ZP2: variants seen among roughly 807,000 people sequenced by gnomAD.
ZP2 encodes the protein zona pellucida sperm-binding protein 2.
In ZP2, 51 loss-of-function variants were observed where a neutral mutation model predicts 84.0. The ratio of observed to expected loss-of-function variants is 0.61; its 90% CI spans 0.49 to 0.77. The LOEUF (loss-of-function observed/expected upper bound fraction) is 0.77. Ranked by LOEUF, ZP2 falls within the 30% of genes least tolerant of loss-of-function variation. The pLI is 0.00. For missense variants in ZP2, 909 were observed against 911.9 expected, an observed-to-expected ratio of 1.00 and a Z score of 0.04; for synonymous variants, 375 against 330.9, an observed-to-expected ratio of 1.13 and a Z score of -1.45.
At chr16:21,209,774 G>A in intron 3 of ZP2, 49 bp from the exon 4 acceptor site, 1 of 1,542,794 alleles carries the variant, frequency 6.5e-7, no homozygotes, top group Non-Finnish European at 9.0e-7. Flanking sequence ...ACATTTCAGT[G>A]ACAGTCCAAA....
Position 21,197,816 on chromosome 16 carries a change from C to T in ZP2, c.2045G>A (p.Ser682Asn), listed in dbSNP as rs771556401. The part of the protein sequence containing the change: ...VGSSDLKASG[S>N]SGEKSRSETG... ...TTCACTCCTACTCTTCTCCCCACTGCTCCCACTTGCTTTTAGATCAGATGA... is the reference window on the plus strand; with the variant it reads ...TTCACTCCTACTCTTCTCCCCACTGTTCCCACTTGCTTTTAGATCAGATGA... The change falls in exon 18 of 19, where the codon AGC (serine) becomes AAC (asparagine). Residue 682 changes from serine to asparagine, a missense_variant. By Grantham distance (46) the Ser-to-Asn change is conservative. Transcript: ENST00000574091. The T allele has an allele frequency of 2.5e-6, 4 of 1,614,176 alleles. No individual in the cohort carries two copies. Among genetic ancestry groups the T allele is most frequent in the East Asian group, 4.5e-5 (2 of 44,894 alleles).
chr16:21,209,445 A>T (rs923852100), intron 4 of ZP2, among the ~76,000 whole-genome samples, 186 bp downstream of exon 4: 9 of 152,208 alleles, frequency 5.9e-5, no homozygotes, highest in African/African-American at 2.2e-4. Context: ...CAGAGATTAT[A>T]GGCGTGAGCC....
chr16:21,209,992 T>C, intron 3 of ZP2, 117 bp downstream of exon 3: 1 of 909,648 alleles, frequency 1.1e-6, no homozygotes, highest in Non-Finnish European at 1.8e-6. Flanking sequence ...CATGGCATCA[T>C]GGGAGTTGGA....
intron 4 of ZP2, among the ~76,000 whole-genome samples, chr16:21,207,958 G>T (rs143821889): frequency 2.9e-3 from 437 of 152,274 alleles, no homozygotes; most frequent in African/African-American, 9.6e-3. Flanking sequence ...AGTGGTTCAT[G>T]CCTATAATCC....
chr16:21,204,159 A>G lies in ZP2; in HGVS notation c.843T>C (p.Pro281=), dbSNP rs1195414296. The G allele has an allele frequency of 6.2e-7, 1 of 1,614,058 alleles. No homozygotes were observed. ...CAAAGCTCACAGACTTAAGCTTCCC[A>G]GGAAACTCTGGTATGGTGAGAGTCA... ...THMTLTIPEF[P]GKLKSVSFEN... The change falls in exon 9 of 19, where the codon CCT becomes CCC. Residue 281 remains proline, a synonymous_variant. Coordinates refer to ENST00000574091, the MANE Select transcript of ZP2 (RefSeq NM_001376232.1).
chr16:21,209,561 C>T, intron 4 of ZP2, 70 bp downstream of exon 4: 1 of 1,454,304 alleles, frequency 6.9e-7, no homozygotes, highest in Non-Finnish European at 9.6e-7. Flanking sequence ...AAGTTCTTAG[C>T]CAAGTTTACT....
upstream of ZP2, chr16:21,211,793 T>A: frequency 7.0e-7 from 1 of 1,430,908 alleles, no homozygotes; most frequent in African/African-American, 1.4e-5. Flanking sequence ...CAGCTCCAGG[T>A]GAGTGAATTG....
upstream of ZP2, chr16:21,214,311 C>T (rs1233069159): frequency 7.1e-6 from 7 of 985,052 alleles, no homozygotes; most frequent in African/African-American, 5.2e-5. Context: ...GATTCTGCTC[C>T]GGAAAAGCAG....
In ZP2 at chr16:21,202,882, A is replaced by G. The variant is rs553425618; in HGVS notation, c.1099+243T>C. Among the ~76,000 whole-genome samples, 50 of 152,306 alleles carry G rather than the reference A, an allele frequency of 3.3e-4. 2 individuals are homozygous for G. The South Asian group carries it at 8.9e-3, about 27-fold the overall frequency. ...CCTAGATGTCAGGTTCAGGCTCCTA[A>G]GCCAAAATATCTAGATTGTTTAACC... On this transcript the variant is annotated intron_variant, in intron 10 of 18. Transcript: ENST00000574091.
chr16:21,204,362 A>G lies in ZP2; in HGVS notation c.736T>C (p.Phe246Leu). 3 of 1,614,100 alleles carry G rather than the reference A, an allele frequency of 1.9e-6. No homozygotes were observed. The highest frequency in any genetic ancestry group is 2.5e-6 in the Non-Finnish European group (3 of 1,179,964). The change falls in exon 8 of 19, where the codon TTT becomes CTT. Residue 246 changes from phenylalanine (F) to leucine (L), a missense_variant. Physicochemically the swap from Phe to Leu is conservative, Grantham distance 22 (BLOSUM62 0). Coordinates refer to ENST00000574091, the MANE Select transcript of ZP2 (RefSeq NM_001376232.1). ...ATCACCTTCTGTCCAGGAGATATAA[A>G]TGTAAGCTTCAGAGACACCATGTAG... is the stretch of plus-strand genomic sequence containing the variant. Reference protein sequence around the residue: ...HLYMVSLKLTFISPGQKVIFS... With the variant: ...HLYMVSLKLTLISPGQKVIFS...
At chr16:21,198,054 T>A in intron 17 of ZP2, 1 of 527,708 alleles carries the variant, frequency 1.9e-6, no homozygotes, top group Non-Finnish European at 3.4e-6. Flanking sequence ...TAGAAACATA[T>A]CTTAAATCTT....
intron 7 of ZP2, among the ~76,000 whole-genome samples, chr16:21,204,955 A>G (rs2093242865): frequency 6.6e-6 from 1 of 152,222 alleles, no homozygotes; most frequent in Non-Finnish European, 1.5e-5. Context: ...TATAGATTTA[A>G]GACTATGGGA....
In ZP2 at chr16:21,197,781, C is replaced by A. The variant is rs774991502; in HGVS notation, c.2080G>T (p.Glu694Ter). 6 of 1,614,224 alleles carry A rather than the reference C, an allele frequency of 3.7e-6. No homozygotes were observed. The highest frequency in any genetic ancestry group is 5.1e-6 in the Non-Finnish European group (6 of 1,180,034). Residue 694 changes from glutamate to a stop codon, truncating the protein, a stop_gained, in exon 18 of 19, where the codon GAG (glutamate) becomes TAG (stop). Transcript: ENST00000574091. LOFTEE classifies it low-confidence loss of function (END_TRUNC). The stretch of plus-strand genomic sequence containing the variant: ...ATAAACTTACCTCGTGAGCCAACCT[C>A]CTCCCCTGTTTCACTCCTACTCTTC... The part of the protein sequence containing the change: ...GEKSRSETGE[E>*]VGSRGAMDTK...
In ZP2 at chr16:21,203,233, G is replaced by A; in HGVS notation, c.991C>T (p.Leu331Phe). ...AGTGAAGCTAAGTAGAACTGATGGA[G>A]TAGGCATTTTTCAGATAACTGAAAT... ...LKTKLSEKCL[L>F]HQFYLASLKL... Residue 331 changes from leucine (L) to phenylalanine (F), a missense_variant, in exon 10 of 19, where the codon CTC becomes TTC. Leu to Phe is a conservative substitution (Grantham distance 22). Coordinates refer to ENST00000574091, the MANE Select transcript of ZP2 (RefSeq NM_001376232.1). 1.2e-6 allele frequency: 2 copies of A among 1,613,752 alleles called. No homozygotes were observed. The highest frequency in any genetic ancestry group is 1.7e-6 in the Non-Finnish European group (2 of 1,179,808).
intron 8 of ZP2, 27 bp from the exon 9 acceptor site, chr16:21,204,238 A>G: frequency 6.2e-7 from 1 of 1,614,046 alleles, no homozygotes; most frequent in Non-Finnish European, 8.5e-7. Context: ...CAGAATGCCC[A>G]TTACCAGCCT....
intron 4 of ZP2, 105 bp downstream of exon 4, chr16:21,209,526 G>C (rs2093264932): frequency 1.0e-6 from 1 of 959,852 alleles, no homozygotes; most frequent in South Asian, 1.5e-5. Flanking sequence ...CCTTGGTTGA[G>C]AGCCACTGCT....
Position 21,202,142 on chromosome 16 carries a change from A to G in ZP2, c.1249T>C (p.Phe417Leu), listed in dbSNP as rs1597584937. The G allele has an allele frequency of 3.7e-6, 6 of 1,612,006 alleles. No individual in the cohort carries two copies. The highest frequency in any genetic ancestry group is 5.1e-6 in the Non-Finnish European group (6 of 1,179,442). ...CCACATCCATTCAGGGGTATGTGGA[A>G]CCGTACCAGCCCCTGAGACTGAGCC... ...FEAQSQGLVR[F>L]HIPLNGCGTR... The change falls in exon 11 of 19, where the codon TTC becomes CTC. Residue 417 changes from phenylalanine to leucine, a missense_variant. Phe to Leu is a conservative substitution (Grantham distance 22). Coordinates refer to ENST00000574091, the MANE Select transcript of ZP2 (RefSeq NM_001376232.1).
At chr16:21,209,489 A>G (rs900538531) in intron 4 of ZP2, 142 bp downstream of exon 4, 10 of 663,318 alleles carry the variant, frequency 1.5e-5, no homozygotes, top group Non-Finnish European at 2.3e-5. Flanking sequence ...ATAATAGAAA[A>G]GAAGAGCCAC....
rs755695168 is a variant in ZP2, at chr16:21,204,383, T to C, written c.715A>G (p.Met239Val). Residue 239 changes from methionine (M) to valine (V), a missense_variant, in exon 8 of 19, where the codon ATG (methionine) becomes GTG (valine). Physicochemically the swap from Met to Val is conservative, Grantham distance 21 (BLOSUM62 1). Transcript: ENST00000574091. ...HYVQGNSHLY[M>V]VSLKLTFISP... ...ATAAATGTAAGCTTCAGAGACACCATGTAGAGATGACTGTTACCTTGCTAG... is the reference window on the plus strand; with the variant it reads ...ATAAATGTAAGCTTCAGAGACACCACGTAGAGATGACTGTTACCTTGCTAG... 19 of 1,613,926 alleles carry C rather than the reference T, an allele frequency of 1.2e-5. No homozygotes were observed. Among genetic ancestry groups the C allele is most frequent in the African/African-American group, 1.3e-5 (1 of 75,052 alleles).
Sources: allele counts gnomAD v4.1 joint callset (sites outside exome capture counted in the v4.1 genomes callset), GRCh38; gene constraint gnomAD v4.1.1; transcripts MANE v1.5; gene names NCBI Gene and HGNC (gene_info 2026-07-23, HGNC 2026-07-21).